Variants in ABI2 observed in about 807,000 individuals in gnomAD.
The protein encoded by ABI2 is abl interactor 2.
In ABI2, 25 loss-of-function variants were observed where a neutral mutation model predicts 59.2. The observed-to-expected ratio is 0.42, with a 90% CI of 0.31 to 0.59. The LOEUF (loss-of-function observed/expected upper bound fraction) is 0.59, where lower values mean the gene tolerates loss of function less well. Ranked by LOEUF, ABI2 falls within the 20% of genes least tolerant of loss-of-function variation. The pLI, the probability that ABI2 is intolerant of heterozygous loss-of-function variation, is 0.14. For synonymous variants in ABI2, 213 were observed against 235.5 expected (o/e 0.90, Z 0.87); for missense variants, 545 against 681.8 (o/e 0.80, Z 2.23).
chr2:203,348,422 A>G (rs1325270938), intron 1 of ABI2, among the ~76,000 whole-genome samples: 1 of 152,164 alleles, frequency 6.6e-6, no homozygotes, highest in Non-Finnish European at 1.5e-5. Flanking sequence ...GCAATGGTGG[A>G]AAACATGCAT....
chr2:203,409,234 A>G (rs1321843056), intron 9 of ABI2, among the ~76,000 whole-genome samples: 1 of 152,176 alleles, frequency 6.6e-6, no homozygotes, highest in Non-Finnish European at 1.5e-5. Context: ...GGAAGCAGAC[A>G]CGCAAGTCAA....
At chr2:203,407,630 C>G (rs951797586) in intron 9 of ABI2, among the ~76,000 whole-genome samples, 21 of 152,244 alleles carry the variant, frequency 1.4e-4, no homozygotes, top group Admixed American at 1.0e-3. Flanking sequence ...GCTTGGAAAG[C>G]CTTTTACTGT....
At chr2:203,390,930 T>G in intron 4 of ABI2, 116 bp from the exon 5 acceptor site, 1 of 759,340 alleles carries the variant, frequency 1.3e-6, no homozygotes, top group Non-Finnish European at 2.3e-6. Context: ...GGCCTCTAAT[T>G]TTTTTCCCTT....
At chr2:203,345,294 A>G (rs531463384) in intron 1 of ABI2, among the ~76,000 whole-genome samples, 4 of 152,192 alleles carry the variant, frequency 2.6e-5, no homozygotes, top group Non-Finnish European at 5.9e-5. Context: ...TTCACCCTGA[A>G]GTCAAGCGAA....
intron 1 of ABI2, among the ~76,000 whole-genome samples, chr2:203,332,585 A>G (rs2074336899): frequency 6.6e-6 from 1 of 152,200 alleles, no homozygotes; most frequent in African/African-American, 2.4e-5. Context: ...AGATCATGCC[A>G]TTGCACTCCA....
Position 203,366,918 on chromosome 2 carries a change from C to CA in ABI2, c.160dup (p.Thr54AsnfsTer45). ...GAGCCCTAGAAGAAACCAAAGCCTA[C>CA]ACCACCCAATCCTTAGCAAGTGTTG... On this transcript the variant is annotated frameshift_variant, in exon 2 of 12. Transcript: ENST00000261018. LOFTEE classifies it high-confidence loss of function. The CA allele has an allele frequency of 6.2e-7, 1 of 1,611,636 alleles. No homozygotes were observed. Among genetic ancestry groups the CA allele is most frequent in the Non-Finnish European group, 8.5e-7 (1 of 1,178,660 alleles).
At position 203,345,037 on chromosome 2, in the gene ABI2, G is replaced by A. The variant is rs560768350; in HGVS notation, c.117+16406G>A. 5.9e-5 allele frequency among the ~76,000 whole-genome samples: 9 copies of A among 152,156 alleles called. No individual in the cohort carries two copies. The East Asian group carries it at 1.7e-3, about 29-fold the overall frequency. ...AAGGGAATAAAAGCTGGCTGCCGGA[G>A]CCCGCAGTGGCAACCCGCCGGGGTC... is the stretch of plus-strand genomic sequence containing the variant. On this transcript the variant is annotated intron_variant, in intron 1 of 11. Coordinates refer to ENST00000261018, the MANE Select transcript of ABI2 (RefSeq NM_001375670.1).
At position 203,429,197 on chromosome 2, in the gene ABI2, A is replaced by T. The variant is rs1044520389; in HGVS notation, c.*1845A>T. The T allele has an allele frequency of 1.3e-5, 2 of 152,200 alleles. No homozygotes were observed. Among genetic ancestry groups the T allele is most frequent in the East Asian group, 3.8e-4 (2 of 5,202 alleles). 9.4% of individuals were successfully genotyped at this position (152,200 alleles called of 1,614,324 possible). On this transcript the variant is annotated 3_prime_UTR_variant, in exon 12 of 12. Coordinates refer to ENST00000261018, the MANE Select transcript of ABI2 (RefSeq NM_001375670.1). ...TTTCATTAACTTGCCTCCAGTATACATTCCACTTCGTGCTTTTCTTAGGTC... is the reference window on the plus strand; with the variant it reads ...TTTCATTAACTTGCCTCCAGTATACTTTCCACTTCGTGCTTTTCTTAGGTC...
intron 1 of ABI2, among the ~76,000 whole-genome samples, chr2:203,344,331 T>A (rs1001680003): frequency 4.6e-5 from 7 of 152,066 alleles, no homozygotes; most frequent in Non-Finnish European, 8.8e-5. Context: ...TATTTCCTGA[T>A]GAAAAAATCA....
intron 8 of ABI2, among the ~76,000 whole-genome samples, chr2:203,399,794 C>A (rs546139364): frequency 6.6e-6 from 1 of 152,192 alleles, no homozygotes; most frequent in African/African-American, 2.4e-5. Flanking sequence ...GGATTACAGG[C>A]GTGAGCCACT....
chr2:203,367,083 C>G (rs747845264), intron 2 of ABI2, 39 bp downstream of exon 2: 3 of 1,571,888 alleles, frequency 1.9e-6, no homozygotes, highest in Admixed American at 1.7e-5. Flanking sequence ...TATGAGGAAC[C>G]CTTAATAATA....
At chr2:203,378,950 G>A (rs2095906552) in intron 2 of ABI2, among the ~76,000 whole-genome samples, 2 of 152,094 alleles carry the variant, frequency 1.3e-5, no homozygotes, top group African/African-American at 2.4e-5. Context: ...CTTACTATGT[G>A]TACATGCAGT....
chr2:203,378,315 G>A lies in ABI2; in HGVS notation c.286-1893G>A, dbSNP rs568223141. Among the ~76,000 whole-genome samples, 4 of 152,210 alleles carry A rather than the reference G, an allele frequency of 2.6e-5. No individual in the cohort carries two copies. In the East Asian group the frequency reaches 7.7e-4, roughly 29 times the overall value. ...TTTAGTAGAGACGGGGTTTCACCGT[G>A]TTAGCCAGGATGGTCTCGATCTCCG... On this transcript the variant is annotated intron_variant, in intron 2 of 11. Coordinates refer to ENST00000261018, the MANE Select transcript of ABI2 (RefSeq NM_001375670.1).
At chr2:203,421,357 A>G (rs1214556920) in intron 11 of ABI2, among the ~76,000 whole-genome samples, 1 of 152,232 alleles carries the variant, frequency 6.6e-6, no homozygotes, top group African/African-American at 2.4e-5. Flanking sequence ...TTTGCCAAAA[A>G]TCAAATAACG....
intron 4 of ABI2, among the ~76,000 whole-genome samples, chr2:203,390,791 G>A (rs1172910595): frequency 1.3e-5 from 2 of 152,166 alleles, no homozygotes; most frequent in Non-Finnish European, 2.9e-5. Context: ...ATCTGTTGGT[G>A]TGATGGCCTA....
intron 1 of ABI2, among the ~76,000 whole-genome samples, chr2:203,361,865 T>G (rs2093569545): frequency 6.6e-6 from 1 of 152,232 alleles, no homozygotes; most frequent in Non-Finnish European, 1.5e-5. Flanking sequence ...GTGCTAAGTT[T>G]GCAGGAATCG....
intron 2 of ABI2, among the ~76,000 whole-genome samples, chr2:203,368,021 A>T (rs1021869388): frequency 3.3e-5 from 5 of 152,170 alleles, no homozygotes. Flanking sequence ...AAATAAAAAA[A>T]AGTAGCCAGG....
chr2:203,332,234 C>T (rs935886789), intron 1 of ABI2, among the ~76,000 whole-genome samples: 1 of 152,094 alleles, frequency 6.6e-6, no homozygotes, highest in African/African-American at 2.4e-5. Context: ...TGATATTTAT[C>T]AGATCAATTT....
chr2:203,335,502 A>G (rs190364148), intron 1 of ABI2, among the ~76,000 whole-genome samples: 21 of 152,254 alleles, frequency 1.4e-4, no homozygotes, highest in Admixed American at 3.9e-4. Context: ...GGCTCAAGCA[A>G]TTCTCCTGCC....
Sources: gnomAD v4.1 joint callset for allele counts (sites outside exome capture counted in the v4.1 genomes callset) on GRCh38, gnomAD v4.1.1 for gene constraint, MANE v1.5 for transcripts, NCBI Gene and HGNC (gene_info 2026-07-23, HGNC 2026-07-21) for gene names.